The following DPYSL5 variants were observed in gnomAD, a reference collection of about 807,000 sequenced individuals.
DPYSL5 encodes the protein dihydropyrimidinase like 5.
A neutral mutation model predicts 58.4 loss-of-function variants in DPYSL5; 9 were observed. The observed-to-expected ratio is 0.15, with a 90% CI of 0.09 to 0.27. DPYSL5 has a LOEUF of 0.27. Among genes scored for constraint, DPYSL5 ranks in the 10% least tolerant of loss-of-function variants. The pLI is 1.00. For synonymous variants in DPYSL5, 293 were observed against 301.9 expected (o/e 0.97, Z 0.31); for missense variants, 499 against 770.6 (o/e 0.65, Z 4.17).
intron 1 of DPYSL5, among the ~76,000 whole-genome samples, chr2:26,882,908 T>TAA (rs74378520): frequency 1.8e-3 from 176 of 100,096 alleles, no homozygotes; most frequent in South Asian, 9.6e-3. Context: ...GAGACTATCT[T>TAA]AAAAAAAAAA....
At position 26,857,103 on chromosome 2, in the gene DPYSL5, T is replaced by C. The variant is rs143450259; in HGVS notation, c.-5+8849T>C. ...GAAAAGATGAAAATCATATTATAAA[T>C]GCAACATTGGTCCAGATATCATTCC... On this transcript the variant is annotated intron_variant, in intron 1 of 12. Coordinates refer to ENST00000288699, the MANE Select transcript of DPYSL5 (RefSeq NM_020134.4). Among the ~76,000 whole-genome samples, 336 of 152,150 alleles carry C rather than the reference T, an allele frequency of 2.2e-3. 3 individuals are homozygous for C. The highest frequency in any genetic ancestry group is 7.7e-3 in the African/African-American group (319 of 41,546).
intron 1 of DPYSL5, among the ~76,000 whole-genome samples, chr2:26,882,429 C>CTGTGTG (rs145178218): frequency 0.018 from 2,580 of 146,256 alleles, 41 homozygotes; most frequent in African/African-American, 0.038. Context: ...GTGTGTGTGT[C>CTGTGTG]TGTGTGTGTG....
At chr2:26,941,851 A>ACCTAAGC (rs1665328846) in intron 9 of DPYSL5, 99 bp from the exon 10 acceptor site, 33 of 1,520,014 alleles carry the variant, frequency 2.2e-5, no homozygotes, top group Non-Finnish European at 2.9e-5. Context: ...TGTCCTGACC[A>ACCTAAGC]CCTAAGCCCT....
chr2:26,903,058 TCTA>T (rs1406341740), intron 2 of DPYSL5, among the ~76,000 whole-genome samples: 2 of 151,536 alleles, frequency 1.3e-5, no homozygotes, highest in Non-Finnish European at 2.9e-5. Context: ...CTTTTATTCC[TCTA>T]CTTTCTTTTT....
At chr2:26,903,248 T>C (rs1332882677) in intron 2 of DPYSL5, among the ~76,000 whole-genome samples, 6 of 152,146 alleles carry the variant, frequency 3.9e-5, no homozygotes, top group Non-Finnish European at 8.8e-5. Flanking sequence ...TTTTTGTATT[T>C]TTAGTAGAGA....
intron 2 of DPYSL5, among the ~76,000 whole-genome samples, chr2:26,922,457 T>A (rs1214619249): frequency 6.6e-6 from 1 of 152,256 alleles, no homozygotes; most frequent in Non-Finnish European, 1.5e-5. Context: ...AATGGTTTTT[T>A]AGCTTGATCT....
At chr2:26,871,665 T>G (rs948506901) in intron 1 of DPYSL5, among the ~76,000 whole-genome samples, 1 of 152,098 alleles carries the variant, frequency 6.6e-6, no homozygotes. Flanking sequence ...GGTCTTGAAC[T>G]CCTGGCTTCA....
intron 4 of DPYSL5, 136 bp from the exon 5 acceptor site, chr2:26,928,119 A>C: frequency 1.1e-6 from 1 of 877,616 alleles, no homozygotes; most frequent in Non-Finnish European, 1.8e-6. Flanking sequence ...GAAGACGAAC[A>C]CTGCAGAAGT....
At position 26,942,009 on chromosome 2, in the gene DPYSL5, G is replaced by A. The variant is rs752445689; in HGVS notation, c.1149G>A (p.Lys383=). 8.1e-6 allele frequency: 13 copies of A among 1,614,086 alleles called. No individual in the cohort carries two copies. In the Admixed American group the frequency reaches 1.2e-4, roughly 14 times the overall value. ...FVAVTSSNAA[K]LLNLYPRKGR... The stretch of plus-strand genomic sequence containing the variant: ...CCGTTACCAGTTCCAACGCAGCTAA[G>A]CTTCTGAACCTGTATCCCCGCAAGG... The change falls in exon 10 of 13, where the codon AAG becomes AAA. Residue 383 remains lysine, a synonymous_variant. Transcript: ENST00000288699. The surrounding 1 kb of genome is among the most constrained non-coding windows in gnomAD (Gnocchi z 5.9).
intron 8 of DPYSL5, among the ~76,000 whole-genome samples, chr2:26,938,191 C>T (rs528785543): frequency 6.6e-6 from 1 of 152,310 alleles, no homozygotes; most frequent in East Asian, 1.9e-4. Flanking sequence ...CCGTCATTCA[C>T]AGCTGCTTAG....
chr2:26,942,739 C>T lies in DPYSL5; in HGVS notation c.1429C>T (p.Gln477Ter). The part of the protein sequence containing the change: ...FPDTVYKKLV[Q>*]REKTLKVRGV... Reference sequence around the variant, plus strand: ...AGACACTGTCTACAAGAAGCTGGTCCAGAGAGAGAAGGTGAGGTGGGAGGA... The same window carrying T: ...AGACACTGTCTACAAGAAGCTGGTCTAGAGAGAGAAGGTGAGGTGGGAGGA... The change falls in exon 11 of 13, where the codon CAG (glutamine) becomes TAG (stop). Residue 477 changes from glutamine to a stop codon, truncating the protein, a stop_gained. Transcript: ENST00000288699. LOFTEE classifies it high-confidence loss of function. This position sits in a 1 kb window ranked among gnomAD's most constrained non-coding sequence, Gnocchi z 5.9. 6.2e-7 allele frequency: 1 copy of T among 1,613,838 alleles called. No individual in the cohort carries two copies. The highest frequency in any genetic ancestry group is 8.5e-7 in the Non-Finnish European group (1 of 1,179,854).
At chr2:26,866,533 A>G (rs911652325) in intron 1 of DPYSL5, among the ~76,000 whole-genome samples, 31 of 151,948 alleles carry the variant, frequency 2.0e-4, no homozygotes, top group Non-Finnish European at 4.3e-4. Context: ...TTTCTTTGTT[A>G]AAAAATGAGG....
At chr2:26,911,079 G>GTTT (rs57441106) in intron 2 of DPYSL5, among the ~76,000 whole-genome samples, 1,356 of 100,366 alleles carry the variant, frequency 0.014, 74 homozygotes, top group African/African-American at 0.043. Context: ...TCTATGTTCA[G>GTTT]TTTTTTTTTT....
At chr2:26,923,287 C>T (rs1029429300) in intron 2 of DPYSL5, among the ~76,000 whole-genome samples, 3 of 152,320 alleles carry the variant, frequency 2.0e-5, no homozygotes, top group Middle Eastern at 3.4e-3. Context: ...GCTATGATTG[C>T]ACCACTGTAC....
rs1298670685 is a variant in DPYSL5 at position 26,948,773 on chromosome 2, C to A, written c.*1778C>A. On this transcript the variant is annotated 3_prime_UTR_variant, in exon 13 of 13. Coordinates refer to ENST00000288699, the MANE Select transcript of DPYSL5 (RefSeq NM_020134.4). The stretch of plus-strand genomic sequence containing the variant: ...TGAGGAGGCTGAGGCAGGAGAATAG[C>A]GTGAACCCGGGAGGCGGAGCTTGCA... The A allele has an allele frequency of 6.6e-6, 1 of 152,384 alleles. No homozygotes were observed. Among genetic ancestry groups the A allele is most frequent in the Non-Finnish European group, 1.5e-5 (1 of 68,206 alleles). The allele number at this position is 152,384 out of a possible 1,614,324, so 9.4% of individuals were successfully genotyped here. A position where few individuals can be genotyped will look rare whatever the true frequency, so the allele number is the denominator to read the frequency against.
intron 1 of DPYSL5, among the ~76,000 whole-genome samples, chr2:26,868,876 A>G (rs1663182525): frequency 6.6e-6 from 1 of 152,154 alleles, no homozygotes; most frequent in Admixed American, 6.5e-5. Flanking sequence ...ATTTTACGAT[A>G]TTATGTCTTC....
chr2:26,850,954 A>G (rs999758726), intron 1 of DPYSL5, among the ~76,000 whole-genome samples: 26 of 150,772 alleles, frequency 1.7e-4, no homozygotes, highest in African/African-American at 6.5e-4. Context: ...AATTATATAT[A>G]TGTATATATT....
At chr2:26,896,267 C>G (rs916687659) in intron 1 of DPYSL5, among the ~76,000 whole-genome samples, 45 of 152,084 alleles carry the variant, frequency 3.0e-4, no homozygotes, top group African/African-American at 1.0e-3. Flanking sequence ...GTATATACAT[C>G]TTTTTCATCC....
At position 26,925,187 on chromosome 2, in the gene DPYSL5, A is replaced by C. The variant is rs1466146743; in HGVS notation, c.420+142A>C. ...TCCCCACAATGCCAAAAGAAAACAC[A>C]CTTGGGATTCCATAAGGGGAGCGGA... On this transcript the variant is annotated intron_variant, in intron 3 of 12. Coordinates refer to ENST00000288699, the MANE Select transcript of DPYSL5 (RefSeq NM_020134.4). This position sits in a 1 kb window ranked among gnomAD's most constrained non-coding sequence, Gnocchi z 4.5. The C allele has an allele frequency of 1.8e-6, 2 of 1,135,602 alleles. No homozygotes were observed. The highest frequency in any genetic ancestry group is 2.8e-4 in the Middle Eastern group (1 of 3,558). 70.3% of individuals were successfully genotyped at this position (1,135,602 alleles called of 1,614,324 possible). A position where few individuals can be genotyped will look rare whatever the true frequency, so the allele number is the denominator to read the frequency against.
Sources: allele counts gnomAD v4.1 joint callset (sites outside exome capture counted in the v4.1 genomes callset), GRCh38; gene constraint gnomAD v4.1.1; non-coding constraint Gnocchi (gnomAD v3.1); transcripts MANE v1.5; gene names NCBI Gene and HGNC (gene_info 2026-07-23, HGNC 2026-07-21).